Variants in PTPRR observed in about 807,000 individuals in gnomAD.
PTPRR encodes protein tyrosine phosphatase receptor type R, also known as receptor-type tyrosine-protein phosphatase R.
In PTPRR, 38 loss-of-function variants were observed where a neutral mutation model predicts 77.2. The observed-to-expected ratio is 0.49, with a 90% confidence interval of 0.38 to 0.65. The LOEUF (loss-of-function observed/expected upper bound fraction) is 0.65, where lower values mean the gene tolerates loss of function less well. Ranked by LOEUF, PTPRR falls within the 30% of genes least tolerant of loss-of-function variation. PTPRR has a pLI of 0.00. For missense variants in PTPRR, 744 were observed against 799.2 expected (o/e 0.93, Z 0.83); for synonymous variants, 299 against 283.1 (o/e 1.06, Z -0.57).
At chr12:70,666,616 G>A (rs1412134167) in intron 10 of PTPRR, among the ~76,000 whole-genome samples, 3 of 152,080 alleles carry the variant, frequency 2.0e-5, no homozygotes, top group African/African-American at 7.2e-5. Flanking sequence ...AGTCAAATCA[G>A]GGACAGGTGA....
chr12:70,842,107 T>A (rs1402295045), intron 2 of PTPRR, among the ~76,000 whole-genome samples: 1 of 152,186 alleles, frequency 6.6e-6, no homozygotes, highest in East Asian at 1.9e-4. Flanking sequence ...GAAACAAAAA[T>A]GTACGTATGC....
chr12:70,771,957 G>C (rs902832635), intron 2 of PTPRR, among the ~76,000 whole-genome samples: 27 of 151,992 alleles, frequency 1.8e-4, no homozygotes, highest in Admixed American at 1.8e-3. Context: ...TCAGCTTTCA[G>C]GTTTGCTTAG....
At chr12:70,879,559 G>A (rs1893113272) in intron 2 of PTPRR, among the ~76,000 whole-genome samples, 1 of 152,170 alleles carries the variant, frequency 6.6e-6, no homozygotes, top group African/African-American at 2.4e-5. Flanking sequence ...AGGAGAATTG[G>A]TCCCCAACAT....
intron 7 of PTPRR, among the ~76,000 whole-genome samples, chr12:70,699,269 T>A (rs1592684099): frequency 6.6e-6 from 1 of 152,340 alleles, no homozygotes; most frequent in East Asian, 1.9e-4. Flanking sequence ...TTTTTACTAC[T>A]TAAACTTTCT....
At chr12:70,716,076 T>C (rs191361155) in intron 6 of PTPRR, among the ~76,000 whole-genome samples, 325 of 152,310 alleles carry the variant, frequency 2.1e-3, no homozygotes, top group Non-Finnish European at 3.1e-3. Flanking sequence ...CAATCCAGGT[T>C]CTTCTGCCAA....
rs1364819403 is a variant in PTPRR, at chr12:70,848,451, A to T, written c.357+44228T>A. Among the ~76,000 whole-genome samples the T allele has an allele frequency of 3.3e-5, 5 of 152,182 alleles. No individual in the cohort carries two copies. The East Asian group carries it at 9.7e-4, about 29-fold the overall frequency. ...CAAGAGATTCTCCAGAGCAGTTGAA[A>T]CTATAGGTGCATGCCACCATGCCCA... On this transcript the variant is annotated intron_variant, in intron 2 of 13. Transcript: ENST00000283228.
intron 1 of PTPRR, among the ~76,000 whole-genome samples, chr12:70,899,609 A>C (rs1442821829): frequency 6.6e-6 from 1 of 151,498 alleles, no homozygotes; most frequent in Non-Finnish European, 1.5e-5. Flanking sequence ...CCCACAGTAC[A>C]CATTATGCTT....
intron 6 of PTPRR, among the ~76,000 whole-genome samples, chr12:70,726,460 T>C (rs951275923): frequency 6.6e-6 from 1 of 152,124 alleles, no homozygotes; most frequent in African/African-American, 2.4e-5. Flanking sequence ...AAAATAATGA[T>C]AGGGTAGTTT....
At chr12:70,700,632 G>A (rs559348037) in intron 7 of PTPRR, among the ~76,000 whole-genome samples, 9 of 152,124 alleles carry the variant, frequency 5.9e-5, no homozygotes, top group South Asian at 4.2e-4. Flanking sequence ...GGCCACCAAC[G>A]CAGTTCCACA....
intron 10 of PTPRR, among the ~76,000 whole-genome samples, chr12:70,677,997 A>G (rs1238839749): frequency 6.6e-6 from 1 of 152,048 alleles, no homozygotes; most frequent in Non-Finnish European, 1.5e-5. Flanking sequence ...AATGTTTGGT[A>G]GAATTCATTG....
At chr12:70,770,370 G>A (rs1002727595) in intron 2 of PTPRR, among the ~76,000 whole-genome samples, 29 of 152,136 alleles carry the variant, frequency 1.9e-4, no homozygotes, top group African/African-American at 2.4e-4. Flanking sequence ...GACACTTCTC[G>A]AAAGAAGACA....
intron 2 of PTPRR, among the ~76,000 whole-genome samples, chr12:70,826,984 C>T (rs1892120683): frequency 6.6e-6 from 1 of 152,116 alleles, no homozygotes; most frequent in Non-Finnish European, 1.5e-5. Context: ...AATGTTCTTC[C>T]ACTTGAAGCC....
intron 2 of PTPRR, among the ~76,000 whole-genome samples, chr12:70,882,875 T>C (rs1452078282): frequency 1.3e-5 from 2 of 152,202 alleles, no homozygotes; most frequent in Non-Finnish European, 2.9e-5. Context: ...TTACTATTTA[T>C]TGAGTGTTCA....
rs567464962 is a variant in PTPRR, at chr12:70,918,877, GA to G, written c.58+1455del. On this transcript the variant is annotated intron_variant, in intron 1 of 13. Coordinates refer to ENST00000283228, the MANE Select transcript of PTPRR (RefSeq NM_002849.4). ...TTTCATCCCACATTTCAGCATTGAA[GA>G]ATTGTATGTGGTAACGAAATAATTC... Among the ~76,000 whole-genome samples the G allele has an allele frequency of 1.1e-4, 17 of 152,270 alleles. No homozygotes were observed. In the South Asian group the frequency reaches 3.5e-3, roughly 32 times the overall value.
At chr12:70,673,471 G>A (rs2136703208) in intron 10 of PTPRR, among the ~76,000 whole-genome samples, 1 of 152,260 alleles carries the variant, frequency 6.6e-6, no homozygotes, top group South Asian at 2.1e-4. Flanking sequence ...CATTTGCCAA[G>A]TGTTAATCCT....
intron 2 of PTPRR, among the ~76,000 whole-genome samples, chr12:70,823,674 AAG>A (rs1892061294): frequency 6.6e-6 from 1 of 152,160 alleles, no homozygotes; most frequent in South Asian, 2.1e-4. Context: ...AGTTCTCTGG[AAG>A]AGAACAAAGG....
chr12:70,843,807 A>ATT (rs1399307917), intron 2 of PTPRR, among the ~76,000 whole-genome samples: 2 of 146,544 alleles, frequency 1.4e-5, no homozygotes, highest in African/African-American at 5.3e-5. Context: ...TGTTGCTGAA[A>ATT]ATTTTTTTTT....
At chr12:70,731,588 A>G (rs1338895512) in intron 6 of PTPRR, among the ~76,000 whole-genome samples, 2 of 152,214 alleles carry the variant, frequency 1.3e-5, no homozygotes, top group Admixed American at 6.5e-5. Flanking sequence ...AGGGGCCACG[A>G]CCACAGACCT....
chr12:70,826,941 A>T (rs566007305), intron 2 of PTPRR, among the ~76,000 whole-genome samples: 27 of 152,276 alleles, frequency 1.8e-4, no homozygotes, highest in African/African-American at 5.8e-4. Context: ...CACCTGCCTC[A>T]GGGGTTTTGG....
Sources: gnomAD v4.1 joint callset for allele counts (sites outside exome capture counted in the v4.1 genomes callset) on GRCh38, gnomAD v4.1.1 for gene constraint, MANE v1.5 for transcripts, NCBI Gene and HGNC (gene_info 2026-07-23, HGNC 2026-07-21) for gene names.